The following LTA4H variants were observed in gnomAD, a reference collection of about 807,000 sequenced individuals.
The protein encoded by LTA4H is leukotriene A-4 hydrolase.
A neutral mutation model predicts 89.8 loss-of-function variants in LTA4H; 59 were observed. The ratio of observed to expected loss-of-function variants is 0.66; its 90% CI spans 0.53 to 0.82. The LOEUF is 0.82. Among genes scored for constraint, LTA4H ranks in the 40% least tolerant of loss-of-function variants. LTA4H has a pLI of 0.00. For synonymous variants in LTA4H, 227 were observed against 253.1 expected (o/e 0.90, Z 0.98); for missense variants, 617 against 727.0 (o/e 0.85, Z 1.74).
rs773294835 is a variant in LTA4H at position 96,035,571 on chromosome 12, C to T, written c.-52G>A. 6.5e-7 allele frequency: 1 copy of T among 1,539,768 alleles called. No individual in the cohort carries two copies. The highest frequency in any genetic ancestry group is 1.2e-5 in the South Asian group (1 of 83,452). On this transcript the variant is annotated 5_prime_UTR_variant, in exon 1 of 19. Coordinates refer to ENST00000228740, the MANE Select transcript of LTA4H (RefSeq NM_000895.3). ...GACCTACAGCCCAACGCTCAGCTAC[C>T]AGACTCGTCGATAGAGAACCTGAGG...
chr12:96,011,044 G>A (rs1237398459), intron 14 of LTA4H: 1 of 152,160 alleles, frequency 6.6e-6, no homozygotes, highest in Admixed American at 6.6e-5. Context: ...AATGATTCCA[G>A]GGTTCCTCCA....
intron 14 of LTA4H, chr12:96,011,667 T>C (rs1410221499): frequency 6.6e-6 from 1 of 152,232 alleles, no homozygotes; most frequent in Non-Finnish European, 1.5e-5. Context: ...TTCATCATAT[T>C]AGTGCCTGAC....
chr12:96,004,170 CTCT>C (rs1490341812), intron 16 of LTA4H, among the ~76,000 whole-genome samples: 3 of 152,164 alleles, frequency 2.0e-5, no homozygotes, highest in African/African-American at 4.8e-5. Flanking sequence ...ATGAGAATTG[CTCT>C]TCTTAGACTT....
chr12:96,034,112 A>C (rs1238378710), intron 1 of LTA4H, among the ~76,000 whole-genome samples: 1 of 152,126 alleles, frequency 6.6e-6, no homozygotes, highest in African/African-American at 2.4e-5. Flanking sequence ...TCCTTCCTAC[A>C]CAAGTAGGAA....
At chr12:96,018,207 G>A (rs1468443318) in intron 8 of LTA4H, among the ~76,000 whole-genome samples, 2 of 152,006 alleles carry the variant, frequency 1.3e-5, no homozygotes, top group East Asian at 1.9e-4. Flanking sequence ...CCCAAATACC[G>A]TGAACATAAT....
In LTA4H at chr12:96,013,275, T is replaced by A. The variant is rs1024903272; in HGVS notation, c.1309-17A>T. The A allele has an allele frequency of 6.3e-7, 1 of 1,585,480 alleles. No homozygotes were observed. Among genetic ancestry groups the A allele is most frequent in the African/African-American group, 1.3e-5 (1 of 74,422 alleles). On this transcript the variant is annotated splice_polypyrimidine_tract_variant and intron_variant, in intron 13 of 18. Coordinates refer to ENST00000228740, the MANE Select transcript of LTA4H (RefSeq NM_000895.3). The stretch of plus-strand genomic sequence containing the variant: ...AACATCAACCTATGAATAGTAAGAA[T>A]TCACAGTTTACAATAGAATGCCCTT...
chr12:96,005,805 G>C (rs1950188923), intron 16 of LTA4H, among the ~76,000 whole-genome samples: 1 of 152,176 alleles, frequency 6.6e-6, no homozygotes, highest in Non-Finnish European at 1.5e-5. Flanking sequence ...CTGGAGTACA[G>C]GGGTGTGATC....
At chr12:96,008,503 T>A (rs1347769966) in intron 15 of LTA4H, among the ~76,000 whole-genome samples, 2 of 152,136 alleles carry the variant, frequency 1.3e-5, no homozygotes, top group Non-Finnish European at 2.9e-5. Context: ...TATAAATGAT[T>A]TAAAAGGAAA....
At chr12:96,015,439 G>T in intron 11 of LTA4H, 144 bp downstream of exon 11, 1 of 640,340 alleles carries the variant, frequency 1.6e-6, no homozygotes, top group Non-Finnish European at 2.8e-6. Flanking sequence ...GATCAACACA[G>T]TGTTATACCA....
At chr12:96,021,001 G>T in intron 6 of LTA4H, 84 bp downstream of exon 6, 1 of 1,032,026 alleles carries the variant, frequency 9.7e-7, no homozygotes, top group Non-Finnish European at 1.5e-6. Flanking sequence ...ATATGCAAAT[G>T]ATTGACCAAT....
chr12:96,037,711 T>TTTTTTGG (rs1950660851), upstream of LTA4H, among the ~76,000 whole-genome samples: 1 of 148,760 alleles, frequency 6.7e-6, no homozygotes, highest in African/African-American at 2.5e-5. Context: ...TTTTTTTTTT[T>TTTTTTGG]GAGACGGAGT....
intron 5 of LTA4H, among the ~76,000 whole-genome samples, chr12:96,021,676 C>T (rs1190018703): frequency 6.9e-6 from 1 of 144,692 alleles, no homozygotes; most frequent in African/African-American, 2.8e-5. Context: ...AACACACACA[C>T]ACACACACAC....
In LTA4H at chr12:96,023,639, T is replaced by C. The variant is rs560172009; in HGVS notation, c.480+840A>G. ...CCCATAAATATGGGTTGGTCCTCATTCTATTTGCTTGGTCTAAGTAGGTCT... is the reference window on the plus strand; with the variant it reads ...CCCATAAATATGGGTTGGTCCTCATCCTATTTGCTTGGTCTAAGTAGGTCT... On this transcript the variant is annotated intron_variant, in intron 4 of 18. Transcript: ENST00000228740. 1.0e-3 allele frequency among the ~76,000 whole-genome samples: 153 copies of C among 152,302 alleles called. 1 individual carries two copies. Among genetic ancestry groups the C allele is most frequent in the African/African-American group, 3.4e-3 (142 of 41,562 alleles).
chr12:96,036,096 C>A (rs542407755), upstream of LTA4H, among the ~76,000 whole-genome samples: 1 of 150,394 alleles, frequency 6.6e-6, no homozygotes, highest in Non-Finnish European at 1.5e-5. Context: ...CGGGGAGGCA[C>A]AGTAATTGTT....
intron 1 of LTA4H, among the ~76,000 whole-genome samples, chr12:96,042,745 G>T (rs1382105929): frequency 1.3e-5 from 2 of 151,934 alleles, no homozygotes; most frequent in African/African-American, 4.8e-5. Context: ...AAAAATAAAG[G>T]TCCCTATTCC....
At chr12:96,009,026 C>G in intron 15 of LTA4H, 68 bp downstream of exon 15, 2 of 1,177,910 alleles carry the variant, frequency 1.7e-6, no homozygotes, top group Non-Finnish European at 2.5e-6. Context: ...AGTACCCTCC[C>G]TGCTTCATGA....
chr12:96,005,797 G>A (rs975949808), intron 16 of LTA4H, among the ~76,000 whole-genome samples: 2 of 152,150 alleles, frequency 1.3e-5, no homozygotes, highest in African/African-American at 4.8e-5. Flanking sequence ...TGCTCAGGCT[G>A]GAGTACAGGG....
At chr12:96,029,022 A>G in intron 2 of LTA4H, 33 bp downstream of exon 2, 1 of 1,503,168 alleles carries the variant, frequency 6.7e-7, no homozygotes, top group Non-Finnish European at 8.9e-7. Context: ...CCCATTATTT[A>G]GCTGTAAAAG....
intron 14 of LTA4H, 34 bp downstream of exon 14, chr12:96,013,154 A>G: frequency 1.3e-6 from 2 of 1,527,072 alleles, no homozygotes; most frequent in Non-Finnish European, 1.8e-6. Flanking sequence ...AGTTAGGAGA[A>G]TGAGAAGGAA....
Sources: allele counts gnomAD v4.1 joint callset (sites outside exome capture counted in the v4.1 genomes callset), GRCh38; gene constraint gnomAD v4.1.1; transcripts MANE v1.5; gene names NCBI Gene and HGNC (gene_info 2026-07-23, HGNC 2026-07-21).